The following SMAD9 variants were observed in gnomAD, a reference collection of about 807,000 sequenced individuals.
SMAD9 encodes the protein MAD homolog 9.
In SMAD9, 36 loss-of-function variants were observed where a neutral mutation model predicts 46.1. The ratio of observed to expected loss-of-function variants is 0.78; its 90% CI spans 0.60 to 1.03. The LOEUF (loss-of-function observed/expected upper bound fraction) is 1.03. Among genes scored for constraint, SMAD9 ranks in the 50% least tolerant of loss-of-function variants. SMAD9 has a pLI of 0.00. For synonymous variants in SMAD9, 245 were observed against 237.1 expected, an observed-to-expected ratio of 1.03 and a Z score of -0.31; for missense variants, 572 against 599.8, an observed-to-expected ratio of 0.95 and a Z score of 0.48.
At chr13:36,883,275 A>C (rs1321772212) in intron 1 of SMAD9, among the ~76,000 whole-genome samples, 2 of 152,194 alleles carry the variant, frequency 1.3e-5, no homozygotes, top group African/African-American at 4.8e-5. Context: ...CTGAAAAAAA[A>C]ACTGGTTGCA....
chr13:36,877,926 T>C (rs1270708864), intron 2 of SMAD9, among the ~76,000 whole-genome samples: 1 of 152,168 alleles, frequency 6.6e-6, no homozygotes, highest in African/African-American at 2.4e-5. Context: ...ATCTCTTCAC[T>C]GGACATGGGC....
intron 1 of SMAD9, among the ~76,000 whole-genome samples, chr13:36,918,545 C>G (rs1162663479): frequency 6.6e-6 from 1 of 152,196 alleles, no homozygotes; most frequent in African/African-American, 2.4e-5. Context: ...AAATTGCTGT[C>G]ATCTTGTATT....
chr13:36,901,436 T>G (rs548072958), intron 1 of SMAD9, among the ~76,000 whole-genome samples: 4,185 of 151,030 alleles, frequency 0.028, 191 homozygotes, highest in African/African-American at 0.097. Flanking sequence ...TGGGCCTTTT[T>G]TTTTTTTTTG....
At chr13:36,887,562 T>A (rs964879511) in intron 1 of SMAD9, among the ~76,000 whole-genome samples, 1 of 152,018 alleles carries the variant, frequency 6.6e-6, no homozygotes, top group South Asian at 2.1e-4. Flanking sequence ...GCTGCTTATA[T>A]GGAGAACAGA....
intron 6 of SMAD9, among the ~76,000 whole-genome samples, chr13:36,851,145 C>T (rs2058071478): frequency 2.0e-5 from 3 of 152,170 alleles, no homozygotes; most frequent in Admixed American, 2.0e-4. Flanking sequence ...CCTGCAAAAG[C>T]TCGCCACCTC....
chr13:36,887,578 T>C (rs1488388516), intron 1 of SMAD9, among the ~76,000 whole-genome samples: 3 of 151,872 alleles, frequency 2.0e-5, no homozygotes, highest in Non-Finnish European at 4.4e-5. Flanking sequence ...ACAGATCAGA[T>C]GGGGGAGCAA....
At chr13:36,893,680 A>C (rs1247753359) in intron 1 of SMAD9, among the ~76,000 whole-genome samples, 1 of 151,816 alleles carries the variant, frequency 6.6e-6, no homozygotes. Context: ...CTAGAAGATG[A>C]CATAGAGTAT....
chr13:36,878,088 T>C (rs1336478182), intron 2 of SMAD9, among the ~76,000 whole-genome samples: 1 of 152,034 alleles, frequency 6.6e-6, no homozygotes, highest in Non-Finnish European at 1.5e-5. Flanking sequence ...TTATAGCCAG[T>C]GTGAAGGAAC....
intron 1 of SMAD9, among the ~76,000 whole-genome samples, chr13:36,887,373 C>T (rs987586581): frequency 1.3e-5 from 2 of 151,646 alleles, no homozygotes; most frequent in Admixed American, 6.6e-5. Flanking sequence ...CAGGTGTACA[C>T]CACCACACCC....
intron 6 of SMAD9, chr13:36,851,515 A>G (rs1308933982): frequency 3.3e-5 from 5 of 152,772 alleles, no homozygotes; most frequent in South Asian, 4.1e-4. Context: ...TTTATTATCC[A>G]TCTCTCCTTC....
Position 36,920,187 on chromosome 13 carries a change from AGCGGCG to A in SMAD9, c.-264_-259del, listed in dbSNP as rs770040180. 85,150 of 144,396 alleles carry A rather than the reference AGCGGCG, an allele frequency of 0.59. 24,556 individuals are homozygous for A. Among genetic ancestry groups the A allele is most frequent in the Non-Finnish European group, 0.68 (49,023 of 72,270 alleles). 8.9% of individuals were successfully genotyped at this position (144,396 alleles called of 1,614,324 possible). On this transcript the variant is annotated 5_prime_UTR_variant, in exon 1 of 7. Coordinates refer to ENST00000379826, the MANE Select transcript of SMAD9 (RefSeq NM_001127217.3). ...CGGGGACCGAGACAGCGGCTGCAGCAGCGGCGGCGGCGGCGGCGGCGGCGGCGGCCC... is the reference window on the plus strand; with the variant it reads ...CGGGGACCGAGACAGCGGCTGCAGCAGCGGCGGCGGCGGCGGCGGCGGCCC...
chr13:36,880,705 C>G (rs1471118651), intron 1 of SMAD9, among the ~76,000 whole-genome samples: 1 of 152,116 alleles, frequency 6.6e-6, no homozygotes, highest in Non-Finnish European at 1.5e-5. Flanking sequence ...AACAACATAA[C>G]ACAATAGAGT....
At position 36,916,899 on chromosome 13, in the gene SMAD9, G is replaced by A. The variant is rs557325651; in HGVS notation, c.-187+3217C>T. On this transcript the variant is annotated intron_variant, in intron 1 of 6. Transcript: ENST00000379826. ...GGGGAAGCTGGGAAGGCCTCAGCGT[G>A]GGGTAAAGGTGCACAGGAGAGGAAA... 4.6e-4 allele frequency among the ~76,000 whole-genome samples: 70 copies of A among 151,548 alleles called. No individual in the cohort carries two copies. In the South Asian group the frequency reaches 5.2e-3, roughly 11 times the overall value.
In SMAD9 at chr13:36,879,830, G is replaced by C; in HGVS notation, c.-141C>G. 2 of 861,406 alleles carry C rather than the reference G, an allele frequency of 2.3e-6. No homozygotes were observed. The highest frequency in any genetic ancestry group is 3.1e-5 in the South Asian group (2 of 63,892). 53.4% of individuals were successfully genotyped at this position (861,406 alleles called of 1,614,324 possible). Reference sequence around the variant, plus strand: ...AGCAGCTGGGACCAATTCAAGTTGCGAAGTGTGTTGACTTTCTCCTAAGCC... The same window carrying C: ...AGCAGCTGGGACCAATTCAAGTTGCCAAGTGTGTTGACTTTCTCCTAAGCC... On this transcript the variant is annotated 5_prime_UTR_variant, in exon 2 of 7. Transcript: ENST00000379826.
intron 2 of SMAD9, 101 bp from the exon 3 acceptor site, chr13:36,873,016 G>C (rs2058311242): frequency 7.2e-7 from 1 of 1,391,884 alleles, no homozygotes; most frequent in Non-Finnish European, 1.0e-6. Flanking sequence ...GTTTATGATA[G>C]AGCTGTTTTT....
intron 3 of SMAD9, among the ~76,000 whole-genome samples, chr13:36,867,692 T>C (rs969980152): frequency 6.6e-6 from 1 of 152,202 alleles, no homozygotes; most frequent in East Asian, 1.9e-4. Context: ...GCTTTTCTCA[T>C]AGCAGAATAG....
chr13:36,854,503 G>A (rs946054900), intron 5 of SMAD9, among the ~76,000 whole-genome samples: 1 of 152,110 alleles, frequency 6.6e-6, no homozygotes, highest in Admixed American at 6.6e-5. Flanking sequence ...GAGTAGCTAG[G>A]ATTACAGGTG....
intron 1 of SMAD9, among the ~76,000 whole-genome samples, chr13:36,887,406 A>G (rs1208553343): frequency 6.6e-6 from 1 of 151,094 alleles, no homozygotes; most frequent in Non-Finnish European, 1.5e-5. Context: ...TATTTTTAGT[A>G]GAGATGGGGT....
chr13:36,910,058 G>A (rs1251716304), intron 1 of SMAD9, among the ~76,000 whole-genome samples: 12 of 152,160 alleles, frequency 7.9e-5, no homozygotes, highest in African/African-American at 2.4e-4. Flanking sequence ...TTATCCGGGC[G>A]TGGTGGCGGG....
Sources: gnomAD v4.1 joint callset for allele counts (sites outside exome capture counted in the v4.1 genomes callset) on GRCh38, gnomAD v4.1.1 for gene constraint, MANE v1.5 for transcripts, NCBI Gene and HGNC (gene_info 2026-07-23, HGNC 2026-07-21) for gene names.